The following EVC variants were observed in gnomAD, a reference collection of about 807,000 sequenced individuals.
EVC encodes evC complex member EVC.
EVC carries 116 observed loss-of-function variants against 118.9 expected under a neutral mutation model. The ratio of observed to expected loss-of-function variants is 0.98; its 90% CI spans 0.84 to 1.14. EVC has a LOEUF of 1.14. Among genes scored for constraint, EVC ranks in the 50% most tolerant of loss-of-function variants. EVC has a pLI of 0.00. For synonymous variants in EVC, 619 were observed against 534.7 expected (o/e 1.16, Z -2.18); for missense variants, 1,401 against 1,246.4 (o/e 1.12, Z -1.87).
At chr4:5,753,197 G>A (rs1730657302) in intron 9 of EVC, 145 bp downstream of exon 9, 1 of 790,488 alleles carries the variant, frequency 1.3e-6, no homozygotes, top group Non-Finnish European at 2.1e-6. Flanking sequence ...TAGGGACTGG[G>A]TCACTGGGCT....
chr4:5,753,256 C>G (rs1193542816), intron 9 of EVC, among the ~76,000 whole-genome samples: 1 of 152,222 alleles, frequency 6.6e-6, no homozygotes, highest in Non-Finnish European at 1.5e-5. Flanking sequence ...TCCATGAGGG[C>G]CACTGCCCAG....
intron 2 of EVC, among the ~76,000 whole-genome samples, chr4:5,726,660 C>T (rs1486670925): frequency 1.2e-4 from 18 of 147,962 alleles, no homozygotes; most frequent in Non-Finnish European, 1.8e-4. Flanking sequence ...CATGCTGGTG[C>T]GCTGCACCCA....
In EVC at chr4:5,731,380, C is replaced by T. The variant is rs778316178; in HGVS notation, c.385-45C>T. ...GAATTATGAATACTAGATCAAATCC[C>T]AGAGGCATCACATGGACTGAGTGTG... On this transcript the variant is annotated intron_variant, in intron 3 of 20. Transcript: ENST00000264956. This position sits in a 1 kb window ranked among gnomAD's most constrained non-coding sequence, Gnocchi z 5.6. 7.0e-7 allele frequency: 1 copy of T among 1,429,968 alleles called. No homozygotes were observed. The highest frequency in any genetic ancestry group is 9.9e-7 in the Non-Finnish European group (1 of 1,012,528). The allele number at this position is 1,429,968 out of a possible 1,614,324, so 88.6% of individuals were successfully genotyped here.
At chr4:5,827,647 C>T in the EVC span, among the ~76,000 whole-genome samples, 1 of 152,022 alleles carries the variant, frequency 6.6e-6, no homozygotes. Context: ...AACACACGCA[C>T]ACACATCCCC....
chr4:5,825,642 C>G, the EVC span: 280 of 1,611,696 alleles, frequency 1.7e-4, no homozygotes, highest in African/African-American at 3.4e-3. This position sits in a 1 kb window ranked among gnomAD's most constrained non-coding sequence, Gnocchi z 4.4. Context: ...CCCTGGAAAC[C>G]CCTTGCAATC....
Position 5,711,404 on chromosome 4 carries a change from C to T in EVC, c.24C>T (p.Cys8=). The change falls in exon 1 of 21, where the codon TGC becomes TGT. Residue 8 remains cysteine, a synonymous_variant. Transcript: ENST00000264956. ...GGATGGCCCGCGGCGGGGCGGCCTG[C>T]AAGAGCGACGCGCGGCTGCTGCTGG... MARGGAA[C]KSDARLLLGR... is the part of the protein sequence containing the mutation. 9.8e-7 allele frequency: 1 copy of T among 1,020,728 alleles called. No individual in the cohort carries two copies. The highest frequency in any genetic ancestry group is 1.2e-6 in the Non-Finnish European group (1 of 856,100). 63.2% of individuals were successfully genotyped at this position (1,020,728 alleles called of 1,614,324 possible).
intron 15 of EVC, chr4:5,801,622 G>T (rs2152359106): frequency 3.3e-6 from 1 of 306,712 alleles, no homozygotes; most frequent in Non-Finnish European, 6.3e-6. Flanking sequence ...GGAGGTTGCA[G>T]TGGGCCGAGA....
At chr4:5,826,009 GCACA>G in the EVC span, 28,641 of 337,732 alleles carry the variant, frequency 0.085, 2,192 homozygotes, top group African/African-American at 0.26. Context: ...GCGTGAACAC[GCACA>G]CACACTTAAA....
At chr4:5,825,888 C>G in the EVC span, 1 of 513,138 alleles carries the variant, frequency 1.9e-6, no homozygotes, top group Non-Finnish European at 3.5e-6. The surrounding 1 kb of genome is among the most constrained non-coding windows in gnomAD (Gnocchi z 4.4). Context: ...TACCCACATG[C>G]ATACACATAC....
At chr4:5,800,320 G>T (rs1714738820) in intron 15 of EVC, among the ~76,000 whole-genome samples, 2 of 152,330 alleles carry the variant, frequency 1.3e-5, no homozygotes, top group Admixed American at 1.3e-4. Flanking sequence ...ACTCCAGCCT[G>T]GGTGACATAG....
chr4:5,828,192 G>A, the EVC span: 22 of 985,278 alleles, frequency 2.2e-5, no homozygotes, highest in South Asian at 4.7e-5. Flanking sequence ...TTAAGATGAC[G>A]CAGGACAGCG....
At chr4:5,753,433 G>A (rs1730700187) in intron 9 of EVC, among the ~76,000 whole-genome samples, 1 of 152,226 alleles carries the variant, frequency 6.6e-6, no homozygotes, top group African/African-American at 2.4e-5. Flanking sequence ...TCATGGTCAT[G>A]CTGGAGTCAT....
At position 5,798,780 on chromosome 4, in the gene EVC, G is replaced by C. The variant is rs1397126408; in HGVS notation, c.2292G>C (p.Arg764Ser). ...CCACCAAGAGCCGGGCCAAGGACAG[G>C]GATGACTTCAAGGTATGCACTGACC... ...NAATKSRAKD[R>S]DDFKRTLMEA... is the part of the protein sequence containing the mutation. Residue 764 changes from arginine to serine, a missense_variant, in exon 15 of 21, where the codon AGG (arginine) becomes AGC (serine). Transcript: ENST00000264956. This position sits in a 1 kb window ranked among gnomAD's most constrained non-coding sequence, Gnocchi z 4.1. 2 of 1,610,852 alleles carry C rather than the reference G, an allele frequency of 1.2e-6. No individual in the cohort carries two copies. Among genetic ancestry groups the C allele is most frequent in the African/African-American group, 1.3e-5 (1 of 74,878 alleles).
At chr4:5,823,749 G>A in the EVC span, among the ~76,000 whole-genome samples, 2 of 152,176 alleles carry the variant, frequency 1.3e-5, no homozygotes, top group African/African-American at 2.4e-5. Flanking sequence ...AGAAGCAGAC[G>A]CTGGCACCGT....
At chr4:5,771,028 G>T (rs1396813938) in intron 11 of EVC, among the ~76,000 whole-genome samples, 1 of 150,568 alleles carries the variant, frequency 6.6e-6, no homozygotes, top group African/African-American at 2.4e-5. Context: ...AAAAAGAAAA[G>T]AAAATACATC....
At chr4:5,778,938 T>C (rs1038289855) in intron 11 of EVC, among the ~76,000 whole-genome samples, 1 of 152,148 alleles carries the variant, frequency 6.6e-6, no homozygotes, top group African/African-American at 2.4e-5. Flanking sequence ...TGAATGGTAA[T>C]GCCTAGGTTT....
chr4:5,809,306 G>A (rs1233064992), intron 18 of EVC, among the ~76,000 whole-genome samples: 2 of 152,192 alleles, frequency 1.3e-5, no homozygotes, highest in Non-Finnish European at 2.9e-5. Flanking sequence ...CAGTGTGAGT[G>A]AGGACCCACA....
At chr4:5,825,454 G>A in the EVC span, 15 of 1,532,822 alleles carry the variant, frequency 9.8e-6, no homozygotes, top group Admixed American at 7.1e-5. The surrounding 1 kb of genome is among the most constrained non-coding windows in gnomAD (Gnocchi z 4.4). Context: ...GGCCTGAACT[G>A]CTGCAATTGT....
At chr4:5,790,789 A>G (rs1712625713) in intron 12 of EVC, among the ~76,000 whole-genome samples, 2 of 152,224 alleles carry the variant, frequency 1.3e-5, no homozygotes, top group Admixed American at 1.3e-4. Context: ...AATATACTTT[A>G]TGAATGAAAA....
Sources: gnomAD v4.1 joint callset for allele counts (sites outside exome capture counted in the v4.1 genomes callset) on GRCh38, gnomAD v4.1.1 for gene constraint, Gnocchi (gnomAD v3.1) non-coding constraint, MANE v1.5 for transcripts, NCBI Gene and HGNC (gene_info 2026-07-23, HGNC 2026-07-21) for gene names.